The following CFAP45 variants were observed in gnomAD, a reference collection of about 807,000 sequenced individuals.
CFAP45 encodes the protein cilia and flagella associated protein 45.
Under a neutral mutation model 75.6 loss-of-function variants are expected in CFAP45, and 43 were observed. The ratio of observed to expected loss-of-function variants is 0.57; its 90% CI spans 0.45 to 0.73. CFAP45 has a LOEUF of 0.73. CFAP45 is among the 30% of genes least tolerant of loss of function. The pLI is 0.00. For missense variants in CFAP45, 689 were observed against 701.5 expected, an observed-to-expected ratio of 0.98 and a Z score of 0.20; for synonymous variants, 223 against 244.6, an observed-to-expected ratio of 0.91 and a Z score of 0.82.
intron 11 of CFAP45, 151 bp from the exon 12 acceptor site, chr1:159,872,714 C>G (rs1649308614): frequency 1.2e-6 from 1 of 804,052 alleles, no homozygotes; most frequent in South Asian, 1.6e-5. Context: ...ACATTCATGC[C>G]AAGGCTCCAG....
chr1:159,873,768 T>C (rs1160545046), intron 10 of CFAP45, among the ~76,000 whole-genome samples: 1 of 152,026 alleles, frequency 6.6e-6, no homozygotes, highest in African/African-American at 2.4e-5. Context: ...GGAACTATTG[T>C]TCCTACTTCT....
At chr1:159,888,835 C>G (rs550040976) in intron 3 of CFAP45, among the ~76,000 whole-genome samples, 20 of 151,528 alleles carry the variant, frequency 1.3e-4, no homozygotes, top group African/African-American at 4.4e-4. Context: ...TCTGAGCCCA[C>G]ACTGCACTCT....
chr1:159,889,585 A>C (rs1324595814), intron 3 of CFAP45, among the ~76,000 whole-genome samples: 1 of 152,206 alleles, frequency 6.6e-6, no homozygotes, highest in Non-Finnish European at 1.5e-5. Flanking sequence ...AAAAATAACC[A>C]GCCACTTGTC....
At chr1:159,886,033 T>C (rs1649670145) in intron 6 of CFAP45, among the ~76,000 whole-genome samples, 1 of 151,966 alleles carries the variant, frequency 6.6e-6, no homozygotes, top group South Asian at 2.1e-4. Context: ...CCTCCTAGGA[T>C]TTGGGAAATA....
At chr1:159,899,624 C>A (rs916931905) in intron 1 of CFAP45, among the ~76,000 whole-genome samples, 1 of 152,010 alleles carries the variant, frequency 6.6e-6, no homozygotes, top group Admixed American at 6.6e-5. Context: ...CCCGCCACCA[C>A]GCCCGGCTAA....
intron 1 of CFAP45, 128 bp downstream of exon 1, chr1:159,899,968 G>T (rs778447674): frequency 5.7e-4 from 517 of 913,852 alleles, no homozygotes; most frequent in Non-Finnish European, 8.1e-4. Flanking sequence ...TTCTAGAGGT[G>T]TTCTCCTTAC....
Position 159,876,762 on chromosome 1 carries a change from G to T in CFAP45, c.1159-13C>A, listed in dbSNP as rs1649414128. 6.2e-7 allele frequency: 1 copy of T among 1,614,050 alleles called. No homozygotes were observed. The highest frequency in any genetic ancestry group is 8.5e-7 in the Non-Finnish European group (1 of 1,179,978). ...CCCGCAAGGCATCCTGGGAATGTTGGCAGGGGACCAGTGAGGGCACAAAAT... is the reference window on the plus strand; with the variant it reads ...CCCGCAAGGCATCCTGGGAATGTTGTCAGGGGACCAGTGAGGGCACAAAAT... On this transcript the variant is annotated splice_polypyrimidine_tract_variant and intron_variant, in intron 9 of 11. Coordinates refer to ENST00000368099, the MANE Select transcript of CFAP45 (RefSeq NM_012337.3).
chr1:159,897,369 A>G (rs1649977191), intron 1 of CFAP45, among the ~76,000 whole-genome samples: 1 of 152,184 alleles, frequency 6.6e-6, no homozygotes, highest in South Asian at 2.1e-4. Context: ...GGATCACCTG[A>G]GGTCAGGAAT....
chr1:159,883,626 ATATATATAT>A (rs781450616), intron 7 of CFAP45, among the ~76,000 whole-genome samples: 190 of 130,728 alleles, frequency 1.5e-3, no homozygotes, highest in Non-Finnish European at 2.0e-3. Flanking sequence ...ACAATAAAAT[ATATATATAT>A]ATATATATAT....
At position 159,883,651 on chromosome 1, in the gene CFAP45, T is replaced by C. The variant is rs867641869; in HGVS notation, c.897+785A>G. Among the ~76,000 whole-genome samples, 998 of 127,768 alleles carry C rather than the reference T, an allele frequency of 7.8e-3. 18 individuals carry two copies. The highest frequency in any genetic ancestry group is 0.028 in the African/African-American group (955 of 34,644). The allele number at this position is 127,768 out of a possible 152,430, so 83.8% of individuals were successfully genotyped here. ...ATATATATATATATATATATATATA[T>C]ATACACACACACCTAGAAAGAAACA... On this transcript the variant is annotated intron_variant, in intron 7 of 11. Coordinates refer to ENST00000368099, the MANE Select transcript of CFAP45 (RefSeq NM_012337.3).
chr1:159,874,198 A>T (rs1361133056), intron 10 of CFAP45, among the ~76,000 whole-genome samples: 1 of 152,208 alleles, frequency 6.6e-6, no homozygotes, highest in Non-Finnish European at 1.5e-5. Flanking sequence ...TTCTCAACAT[A>T]ATTTAAAAAA....
intron 2 of CFAP45, among the ~76,000 whole-genome samples, chr1:159,891,234 T>C (rs1266957902): frequency 6.6e-6 from 1 of 152,252 alleles, no homozygotes; most frequent in Non-Finnish European, 1.5e-5. Context: ...AAGATTTTCC[T>C]TTATGAAAGA....
rs866420539 is a variant in CFAP45, at chr1:159,883,653, T to C, written c.897+783A>G. Among the ~76,000 whole-genome samples the C allele has an allele frequency of 9.5e-3, 1,271 of 133,588 alleles. 22 individuals carry two copies. The highest frequency in any genetic ancestry group is 0.031 in the African/African-American group (1,113 of 35,742). 87.6% of individuals were successfully genotyped at this position (133,588 alleles called of 152,430 possible). A position where few individuals can be genotyped will look rare whatever the true frequency, so the allele number is the denominator to read the frequency against. On this transcript the variant is annotated intron_variant, in intron 7 of 11. Coordinates refer to ENST00000368099, the MANE Select transcript of CFAP45 (RefSeq NM_012337.3). ...ATATATATATATATATATATATATA[T>C]ACACACACACCTAGAAAGAAACAAG...
At chr1:159,881,825 G>A (rs1323963409) in intron 7 of CFAP45, among the ~76,000 whole-genome samples, 1 of 152,134 alleles carries the variant, frequency 6.6e-6, no homozygotes, top group Admixed American at 6.6e-5. Context: ...GGAATTAGGG[G>A]AACAGCTGGC....
intron 8 of CFAP45, 85 bp from the exon 9 acceptor site, chr1:159,877,547 A>G: frequency 1.1e-6 from 1 of 906,866 alleles, no homozygotes; most frequent in Non-Finnish European, 1.9e-6. Context: ...AGACTTTCCA[A>G]TATCTCCCCT....
chr1:159,883,507 T>C (rs10908747), intron 7 of CFAP45, among the ~76,000 whole-genome samples: 97,111 of 151,574 alleles, frequency 0.64, 31,934 homozygotes, highest in East Asian at 0.77. Context: ...GAGGAGGTGA[T>C]AATGGTATTG....
chr1:159,876,470 A>T lies in CFAP45; in HGVS notation c.1352+86T>A, dbSNP rs1282538155. 5 of 974,586 alleles carry T rather than the reference A, an allele frequency of 5.1e-6. No individual in the cohort carries two copies. In the East Asian group the frequency reaches 1.0e-4, roughly 20 times the overall value. The allele number at this position is 974,586 out of a possible 1,614,324, so 60.4% of individuals were successfully genotyped here. On this transcript the variant is annotated intron_variant, in intron 10 of 11. Transcript: ENST00000368099. ...ACAAGATCGACGAGCATCTGTTAAC[A>T]TGCCAGAAAGCTTCTCTCTATCCAA...
intron 6 of CFAP45, among the ~76,000 whole-genome samples, chr1:159,886,241 G>A (rs1649674419): frequency 6.6e-6 from 1 of 151,998 alleles, no homozygotes; most frequent in African/African-American, 2.4e-5. Flanking sequence ...TTGGGAAGCT[G>A]AAGCAGGAGA....
In CFAP45 at chr1:159,873,045, G is replaced by T; in HGVS notation, c.1476C>A (p.Asn492Lys). The stretch of plus-strand genomic sequence containing the variant: ...GGCCCTCCTCAAAGGTGGCAATCCG[G>T]TTCTGCACTTCCTTCTGCTGGTTCT... ...VRENQQKEVQ[N>K]RIATFEEGRR... The change falls in exon 11 of 12, where the codon AAC (asparagine) becomes AAA (lysine). Residue 492 changes from asparagine (N) to lysine (K), a missense_variant. Transcript: ENST00000368099. 1 of 1,614,238 alleles carries T rather than the reference G, an allele frequency of 6.2e-7. No individual in the cohort carries two copies.
Sources: gnomAD v4.1 joint callset for allele counts (sites outside exome capture counted in the v4.1 genomes callset) on GRCh38, gnomAD v4.1.1 for gene constraint, MANE v1.5 for transcripts, NCBI Gene and HGNC (gene_info 2026-07-23, HGNC 2026-07-21) for gene names.